Variants in VEPH1 observed in about 807,000 individuals in gnomAD.
The protein encoded by VEPH1 is ventricular zone expressed PH domain containing 1.
A neutral mutation model predicts 85.2 loss-of-function variants in VEPH1; 80 were observed. That is an observed-to-expected ratio of 0.94 (90% CI 0.78 to 1.13). The LOEUF (loss-of-function observed/expected upper bound fraction) is 1.13. VEPH1 is among the 50% of genes most tolerant of loss of function. The pLI is 0.00. For synonymous variants in VEPH1, 297 were observed against 348.0 expected (o/e 0.85, Z 1.63); for missense variants, 955 against 980.5 (o/e 0.97, Z 0.35).
intron 2 of VEPH1, among the ~76,000 whole-genome samples, chr3:157,491,839 G>A (rs926039299): frequency 1.3e-5 from 2 of 152,158 alleles, no homozygotes; most frequent in Admixed American, 1.3e-4. Flanking sequence ...GAATGCCTTA[G>A]CACATCACAA....
At chr3:157,384,639 G>A (rs1729103606) in intron 6 of VEPH1, among the ~76,000 whole-genome samples, 1 of 152,130 alleles carries the variant, frequency 6.6e-6, no homozygotes, top group Non-Finnish European at 1.5e-5. Context: ...GAGTTGAAGG[G>A]AAAATTAATC....
At chr3:157,300,406 G>C (rs1171174603) in intron 11 of VEPH1, among the ~76,000 whole-genome samples, 1 of 152,160 alleles carries the variant, frequency 6.6e-6, no homozygotes, top group African/African-American at 2.4e-5. Context: ...CACGACAGTA[G>C]TAAAATTGAC....
chr3:157,426,144 G>A (rs945337103), intron 5 of VEPH1, among the ~76,000 whole-genome samples: 7 of 152,016 alleles, frequency 4.6e-5, no homozygotes, highest in African/African-American at 1.5e-4. Flanking sequence ...CCCAGTCTTG[G>A]GTATATCTTT....
At chr3:157,488,247 T>C (rs906509121) in intron 2 of VEPH1, among the ~76,000 whole-genome samples, 10 of 152,128 alleles carry the variant, frequency 6.6e-5, no homozygotes, top group African/African-American at 2.4e-4. Context: ...GGGTTGTCAC[T>C]GCTCATTTTC....
At chr3:157,476,072 C>G (rs1171108926) in intron 2 of VEPH1, among the ~76,000 whole-genome samples, 2 of 152,206 alleles carry the variant, frequency 1.3e-5, no homozygotes, top group Non-Finnish European at 2.9e-5. Flanking sequence ...ATCAACCAAG[C>G]CTCTGTCATC....
intron 3 of VEPH1, among the ~76,000 whole-genome samples, chr3:157,465,486 C>G (rs750163913): frequency 1.3e-5 from 2 of 152,186 alleles, no homozygotes; most frequent in Non-Finnish European, 2.9e-5. Flanking sequence ...CTCTTAATAT[C>G]TGCATTTTAC....
intron 2 of VEPH1, among the ~76,000 whole-genome samples, chr3:157,471,346 C>A (rs1488342293): frequency 6.6e-6 from 1 of 152,168 alleles, no homozygotes; most frequent in Non-Finnish European, 1.5e-5. Context: ...GTGCATGAAG[C>A]TCTCTCTACA....
intron 12 of VEPH1, among the ~76,000 whole-genome samples, chr3:157,282,461 C>T (rs987022469): frequency 6.6e-6 from 1 of 152,182 alleles, no homozygotes; most frequent in Non-Finnish European, 1.5e-5. Flanking sequence ...GTTCCATTTT[C>T]TTTTAGAACC....
intron 7 of VEPH1, among the ~76,000 whole-genome samples, chr3:157,372,321 A>C (rs966031901): frequency 4.6e-5 from 7 of 152,254 alleles, no homozygotes; most frequent in Non-Finnish European, 1.0e-4. Context: ...ACACATCAAT[A>C]ACTGACCTGG....
intron 9 of VEPH1, among the ~76,000 whole-genome samples, chr3:157,351,760 T>C (rs551465266): frequency 2.0e-5 from 3 of 152,294 alleles, no homozygotes; most frequent in Non-Finnish European, 2.9e-5. Context: ...CCATGGACCA[T>C]ATTTCAAGAA....
At position 157,325,626 on chromosome 3, in the gene VEPH1, G is replaced by T. The variant is rs142098103; in HGVS notation, c.1736-8425C>A. On this transcript the variant is annotated intron_variant, in intron 9 of 13. Coordinates refer to ENST00000362010, the MANE Select transcript of VEPH1 (RefSeq NM_001167912.2). ...TTTCCCCATTGCTTATTTTTGTCAG[G>T]TTTGTCAAAGACCAGATGGTTATAG... is the stretch of plus-strand genomic sequence containing the variant. Among the ~76,000 whole-genome samples the T allele has an allele frequency of 4.5e-3, 690 of 152,096 alleles. 8 individuals are homozygous for T. Among genetic ancestry groups the T allele is most frequent in the African/African-American group, 0.016 (660 of 41,512 alleles).
chr3:157,292,464 G>T (rs1228163710), intron 11 of VEPH1, among the ~76,000 whole-genome samples: 1 of 152,050 alleles, frequency 6.6e-6, no homozygotes, highest in Non-Finnish European at 1.5e-5. Flanking sequence ...GGCCAAGGTG[G>T]GTAGATCACT....
chr3:157,468,937 G>A (rs1242682636), intron 3 of VEPH1, among the ~76,000 whole-genome samples: 1 of 152,072 alleles, frequency 6.6e-6, no homozygotes, highest in East Asian at 1.9e-4. Flanking sequence ...TCTGTTTGTG[G>A]CTTGCATTAG....
At chr3:157,438,071 A>ACACACC (rs1478919297) in intron 4 of VEPH1, among the ~76,000 whole-genome samples, 4 of 146,404 alleles carry the variant, frequency 2.7e-5, no homozygotes, top group East Asian at 2.0e-4. Context: ...ACACACACAC[A>ACACACC]CCCCTATTTC....
intron 11 of VEPH1, among the ~76,000 whole-genome samples, chr3:157,303,382 C>G (rs1266609844): frequency 1.3e-5 from 2 of 152,144 alleles, no homozygotes; most frequent in African/African-American, 4.8e-5. Flanking sequence ...TGTTTAGTCT[C>G]TGCACAGTGG....
chr3:157,488,963 C>T, intron 2 of VEPH1: 1 of 199,014 alleles, frequency 5.0e-6, no homozygotes, highest in Non-Finnish European at 1.1e-5. Context: ...TCCCCCTTCC[C>T]CCCACCTCCC....
intron 2 of VEPH1, among the ~76,000 whole-genome samples, chr3:157,490,602 A>C (rs1036554272): frequency 2.6e-5 from 4 of 152,162 alleles, no homozygotes; most frequent in African/African-American, 9.7e-5. Context: ...AAAAACTTTT[A>C]AAATCTGATA....
At chr3:157,369,608 A>G (rs946413461) in intron 7 of VEPH1, among the ~76,000 whole-genome samples, 7 of 152,208 alleles carry the variant, frequency 4.6e-5, no homozygotes, top group Non-Finnish European at 1.0e-4. Flanking sequence ...TGGGCATGCC[A>G]CAGAACTTTG....
intron 12 of VEPH1, among the ~76,000 whole-genome samples, chr3:157,271,468 A>G (rs1171592773): frequency 3.3e-5 from 5 of 152,202 alleles, no homozygotes; most frequent in South Asian, 2.1e-4. Context: ...GCCAGTAACC[A>G]TGCAGGCCTA....
Sources: gnomAD v4.1 joint callset for allele counts (sites outside exome capture counted in the v4.1 genomes callset) on GRCh38, gnomAD v4.1.1 for gene constraint, MANE v1.5 for transcripts, NCBI Gene and HGNC (gene_info 2026-07-23, HGNC 2026-07-21) for gene names.